The following TENT4B variants were observed in gnomAD, a reference collection of about 807,000 sequenced individuals.
TENT4B encodes the protein terminal nucleotidyltransferase 4B.
Under a neutral mutation model 75.0 loss-of-function variants are expected in TENT4B, and 10 were observed. That is an observed-to-expected ratio of 0.13 (90% CI 0.08 to 0.23). TENT4B has a LOEUF of 0.23. TENT4B is among the 10% of genes least tolerant of loss of function. The probability of loss-of-function intolerance (pLI) is 1.00; values close to 1 mark genes in which losing one functional copy is unlikely to be tolerated. For synonymous variants in TENT4B, 350 were observed against 357.7 expected (o/e 0.98, Z 0.24); for missense variants, 579 against 893.8 (o/e 0.65, Z 4.49).
intron 2 of TENT4B, 135 bp downstream of exon 2, chr16:50,211,581 A>C: frequency 9.7e-7 from 1 of 1,025,918 alleles, no homozygotes; most frequent in Non-Finnish European, 1.3e-6. Flanking sequence ...ATTAAATTTT[A>C]AAGGCAAACA....
Position 50,201,830 on chromosome 16 carries a change from TAAAAAA to T in TENT4B, c.639-9479_639-9474del, listed in dbSNP as rs57061694. Among the ~76,000 whole-genome samples the T allele has an allele frequency of 5.0e-3, 690 of 136,730 alleles. 2 individuals are homozygous for T. Among genetic ancestry groups the T allele is most frequent in the Non-Finnish European group, 7.6e-3 (488 of 64,598 alleles). The allele number at this position is 136,730 out of a possible 152,430, so 89.7% of individuals were successfully genotyped here. On this transcript the variant is annotated intron_variant, in intron 1 of 11. Transcript: ENST00000561678. The stretch of plus-strand genomic sequence containing the variant: ...CTGGGTGAAAGAGGGATACTCTATT[TAAAAAA>T]AAAAAAAAAAAAAGCGGGCTGGATA...
At chr16:50,171,357 T>C (rs1434652661) in intron 1 of TENT4B, among the ~76,000 whole-genome samples, 2 of 152,084 alleles carry the variant, frequency 1.3e-5, no homozygotes, top group Non-Finnish European at 2.9e-5. Context: ...GCTGTGATCA[T>C]GCCACTGCAC....
At chr16:50,153,009 C>A, upstream of TENT4B, 15 of 1,516,728 alleles carry the variant, frequency 9.9e-6, no homozygotes, top group Non-Finnish European at 1.3e-5. Context: ...GCCGCGCGCG[C>A]CTCAGAAGCT....
chr16:50,233,272 G>C lies in TENT4B; in HGVS notation c.*3944G>C, dbSNP rs1467194396. ...TCCTTAAAAGAGTTCATCTTGCCTT[G>C]GTTTCTGACCCTCAAGACTCTAGCT... is the stretch of plus-strand genomic sequence containing the variant. On this transcript the variant is annotated 3_prime_UTR_variant, in exon 12 of 12. Transcript: ENST00000561678. The C allele has an allele frequency of 3.0e-6, 3 of 985,134 alleles. No homozygotes were observed. The highest frequency in any genetic ancestry group is 3.6e-6 in the Non-Finnish European group (3 of 829,880). The allele number at this position is 985,134 out of a possible 1,614,324, so 61.0% of individuals were successfully genotyped here.
At chr16:50,217,833 A>G (rs2031640900) in intron 5 of TENT4B, among the ~76,000 whole-genome samples, 170 bp downstream of exon 5, 1 of 150,244 alleles carries the variant, frequency 6.7e-6, no homozygotes, top group Non-Finnish European at 1.5e-5. Context: ...TGGCTGGATC[A>G]TGGCCCGCTG....
chr16:50,195,946 A>G (rs905177243), intron 1 of TENT4B, among the ~76,000 whole-genome samples: 2 of 152,228 alleles, frequency 1.3e-5, no homozygotes, highest in Non-Finnish European at 2.9e-5. Flanking sequence ...GTTGTCTACA[A>G]TAGATATAGT....
In TENT4B at chr16:50,229,226, G is replaced by A; in HGVS notation, c.2040G>A (p.Leu680=). 1 of 1,613,842 alleles carries A rather than the reference G, an allele frequency of 6.2e-7. No individual in the cohort carries two copies. The highest frequency in any genetic ancestry group is 8.5e-7 in the Non-Finnish European group (1 of 1,179,832). Residue 680 remains leucine, a synonymous_variant, in exon 12 of 12, where the codon TTG becomes TTA. Coordinates refer to ENST00000561678, the MANE Select transcript of TENT4B (RefSeq NM_001365324.3). The part of the protein sequence containing the change: ...QGTTQTSHGS[L]MTNKQHQGKS... ...CAACTCAAACAAGCCATGGTTCCTTGATGACAAACAAACAACATCAAGGCA... is the reference window on the plus strand; with the variant it reads ...CAACTCAAACAAGCCATGGTTCCTTAATGACAAACAAACAACATCAAGGCA...
At chr16:50,226,462 C>T (rs370100713) in intron 10 of TENT4B, among the ~76,000 whole-genome samples, 21 of 151,932 alleles carry the variant, frequency 1.4e-4, no homozygotes, top group East Asian at 9.8e-4. Context: ...GACGGAGTCT[C>T]GCTCTGTCGC....
chr16:50,195,716 T>C (rs1424582968), intron 1 of TENT4B, among the ~76,000 whole-genome samples: 1 of 152,218 alleles, frequency 6.6e-6, no homozygotes, highest in Non-Finnish European at 1.5e-5. Context: ...TGAGGCCTCT[T>C]TAAAATTATC....
In TENT4B at chr16:50,220,818, C is replaced by T. The variant is rs1172626646; in HGVS notation, c.1039-1488C>T. 4.6e-5 allele frequency among the ~76,000 whole-genome samples: 7 copies of T among 152,244 alleles called. 1 individual carries two copies. In the South Asian group the frequency reaches 8.3e-4, roughly 18 times the overall value. On this transcript the variant is annotated intron_variant, in intron 5 of 11. Transcript: ENST00000561678. ...TGCTGGGATTACAGATATGAGCCAC[C>T]GTGCCCAGCCCACAATGTTTAAAAA...
intron 1 of TENT4B, among the ~76,000 whole-genome samples, chr16:50,189,871 G>C (rs1480719813): frequency 6.6e-6 from 1 of 151,768 alleles, no homozygotes; most frequent in Non-Finnish European, 1.5e-5. Context: ...GAGATCAGGA[G>C]TTCGAGACCA....
At chr16:50,224,598 A>G in intron 7 of TENT4B, 59 bp from the exon 8 acceptor site, 3 of 1,600,412 alleles carry the variant, frequency 1.9e-6, no homozygotes, top group Non-Finnish European at 2.6e-6. Context: ...AGAGTCATCA[A>G]CATTTAGTGC....
rs371119603 is a variant in TENT4B at position 50,222,347 on chromosome 16, A to G, written c.1080A>G (p.Gln360=). ...CATACTTGGTTTTAGTATTGAAACA[A>G]TTCCTATTGCAGAGGGACCTTAATG... ...VLPYLVLVLK[Q]FLLQRDLNEV... The change falls in exon 6 of 12, where the codon CAA becomes CAG. Residue 360 remains glutamine (Q), a synonymous_variant. Coordinates refer to ENST00000561678, the MANE Select transcript of TENT4B (RefSeq NM_001365324.3). 7 of 1,609,778 alleles carry G rather than the reference A, an allele frequency of 4.3e-6. No individual in the cohort carries two copies. The highest frequency in any genetic ancestry group is 5.9e-6 in the Non-Finnish European group (7 of 1,177,604).
intron 1 of TENT4B, 128 bp downstream of exon 1, chr16:50,154,387 C>A: frequency 1.5e-6 from 2 of 1,312,564 alleles, no homozygotes; most frequent in Non-Finnish European, 1.9e-6. Flanking sequence ...TGCTGTTGCA[C>A]GGGGGTGCTG....
rs138869620 is a variant in TENT4B at position 50,234,639 on chromosome 16, A to T, written c.*5311A>T. 7.1e-4 allele frequency: 699 copies of T among 985,272 alleles called. No individual in the cohort carries two copies. The African/African-American group carries it at 0.011, about 16-fold the overall frequency. The allele number at this position is 985,272 out of a possible 1,614,324, so 61.0% of individuals were successfully genotyped here. A position where few individuals can be genotyped will look rare whatever the true frequency, so the allele number is the denominator to read the frequency against. On this transcript the variant is annotated 3_prime_UTR_variant, in exon 12 of 12. Coordinates refer to ENST00000561678, the MANE Select transcript of TENT4B (RefSeq NM_001365324.3). ...TATTGAAACTTACAGAAGTCACTTT[A>T]AAAAAGTCTTTTGAAAGTCCTACAA...
At position 50,230,565 on chromosome 16, in the gene TENT4B, G is replaced by A; in HGVS notation, c.*1237G>A. 1.0e-6 allele frequency: 1 copy of A among 976,210 alleles called. No homozygotes were observed. Among genetic ancestry groups the A allele is most frequent in the Non-Finnish European group, 1.2e-6 (1 of 821,314 alleles). The allele number at this position is 976,210 out of a possible 1,614,324, so 60.5% of individuals were successfully genotyped here. ...ATTGTTGATCTTTACAAATTAAATG[G>A]TCTTTGATAATGGATCTATTTTGTA... On this transcript the variant is annotated 3_prime_UTR_variant, in exon 12 of 12. Transcript: ENST00000561678.
At chr16:50,214,062 C>T (rs1197449521) in intron 2 of TENT4B, among the ~76,000 whole-genome samples, 159 bp from the exon 3 acceptor site, 1 of 152,130 alleles carries the variant, frequency 6.6e-6, no homozygotes, top group East Asian at 1.9e-4. Context: ...AACAGAATCC[C>T]CGCTTCATGA....
intron 1 of TENT4B, among the ~76,000 whole-genome samples, chr16:50,189,735 A>T (rs758502855): frequency 1.1e-5 from 1 of 94,086 alleles, no homozygotes; most frequent in East Asian, 3.5e-4. Flanking sequence ...AAAAATAACC[A>T]GATAATTATA....
chr16:50,199,371 T>C (rs1479271837), intron 1 of TENT4B, among the ~76,000 whole-genome samples: 2 of 152,054 alleles, frequency 1.3e-5, no homozygotes, highest in Admixed American at 1.3e-4. Context: ...CCAAAGAAAG[T>C]GTGTGGGGTG....
Sources: allele counts gnomAD v4.1 joint callset (sites outside exome capture counted in the v4.1 genomes callset), GRCh38; gene constraint gnomAD v4.1.1; transcripts MANE v1.5; gene names NCBI Gene and HGNC (gene_info 2026-07-23, HGNC 2026-07-21).